Variants in GRIK1 observed in about 807,000 individuals in gnomAD.
GRIK1 encodes the protein glutamate ionotropic receptor kainate type subunit 1.
A neutral mutation model predicts 105.7 loss-of-function variants in GRIK1; 69 were observed. The ratio of observed to expected loss-of-function variants is 0.65; its 90% CI spans 0.54 to 0.80. The LOEUF (loss-of-function observed/expected upper bound fraction) is 0.80. Among genes scored for constraint, GRIK1 ranks in the 30% least tolerant of loss-of-function variants. GRIK1 has a pLI of 0.00. For synonymous variants in GRIK1, 438 were observed against 431.3 expected, an observed-to-expected ratio of 1.02 and a Z score of -0.19; for missense variants, 1,109 against 1,167.3, an observed-to-expected ratio of 0.95 and a Z score of 0.73.
At chr21:29,888,506 T>C (rs1370462051) in intron 1 of GRIK1, among the ~76,000 whole-genome samples, 3 of 151,702 alleles carry the variant, frequency 2.0e-5, no homozygotes, top group Non-Finnish European at 4.4e-5. Context: ...GCTCAAGAAA[T>C]CCACCCATCT....
At chr21:29,903,633 C>A (rs1214239773) in intron 1 of GRIK1, among the ~76,000 whole-genome samples, 1 of 152,108 alleles carries the variant, frequency 6.6e-6, no homozygotes, top group African/African-American at 2.4e-5. Flanking sequence ...CAGGAAACAA[C>A]AGATGCTGGA....
At chr21:29,641,512 A>G (rs1194531145) in intron 7 of GRIK1, among the ~76,000 whole-genome samples, 6 of 152,194 alleles carry the variant, frequency 3.9e-5, no homozygotes, top group Non-Finnish European at 5.9e-5. Context: ...TATCAGCAGC[A>G]TGAAAATGGA....
intron 1 of GRIK1, among the ~76,000 whole-genome samples, chr21:29,820,728 T>A (rs2067277619): frequency 6.6e-6 from 1 of 152,016 alleles, no homozygotes; most frequent in Admixed American, 6.6e-5. Context: ...AGAATAATAA[T>A]AGGTATGATT....
intron 7 of GRIK1, among the ~76,000 whole-genome samples, chr21:29,606,686 AAAACAAAAC>A (rs2061625840): frequency 6.6e-6 from 1 of 151,416 alleles, no homozygotes; most frequent in African/African-American, 2.5e-5. Context: ...AAAACAAAAC[AAAACAAAAC>A]AAAAAAAACA....
rs140426396 is a variant in GRIK1, at chr21:29,687,471, A to G, written c.544+2257T>C. Among the ~76,000 whole-genome samples the G allele has an allele frequency of 2.0e-5, 3 of 152,264 alleles. No homozygotes were observed. In the East Asian group the frequency reaches 5.8e-4, roughly 29 times the overall value. Reference sequence around the variant, plus strand: ...TGGCCTGTTTATTCTCTGGGTTCCAATTTAATGGCTCAATTGATTATTCAT... The same window carrying G: ...TGGCCTGTTTATTCTCTGGGTTCCAGTTTAATGGCTCAATTGATTATTCAT... On this transcript the variant is annotated intron_variant, in intron 3 of 17. Transcript: ENST00000327783.
chr21:29,684,545 A>G (rs1178881755), intron 3 of GRIK1, among the ~76,000 whole-genome samples: 1 of 151,988 alleles, frequency 6.6e-6, no homozygotes, highest in Non-Finnish European at 1.5e-5. Flanking sequence ...CTTTGCTCAG[A>G]CGCCCAGGCT....
chr21:29,791,321 G>T (rs2066407250), intron 1 of GRIK1, among the ~76,000 whole-genome samples: 1 of 150,834 alleles, frequency 6.6e-6, no homozygotes, highest in African/African-American at 2.4e-5. Flanking sequence ...AGAAGAGGAG[G>T]AAAAAAAAAG....
At chr21:29,931,131 A>G (rs893162503) in intron 1 of GRIK1, among the ~76,000 whole-genome samples, 1 of 152,234 alleles carries the variant, frequency 6.6e-6, no homozygotes, top group African/African-American at 2.4e-5. Flanking sequence ...ATAAACCAGT[A>G]TTAATGAATT....
chr21:29,630,551 C>T (rs1479238153), intron 7 of GRIK1: 2 of 471,656 alleles, frequency 4.2e-6, no homozygotes, highest in Admixed American at 4.7e-5. Context: ...AACAAGCTGC[C>T]AATAATGTCT....
intron 1 of GRIK1, among the ~76,000 whole-genome samples, chr21:29,747,823 A>G (rs116367532): frequency 0.015 from 2,256 of 152,318 alleles, 64 homozygotes; most frequent in African/African-American, 0.051. Context: ...GCATGACTCC[A>G]TCTCAAAGAA....
At chr21:29,747,744 G>A (rs1024735544) in intron 1 of GRIK1, among the ~76,000 whole-genome samples, 9 of 152,164 alleles carry the variant, frequency 5.9e-5, no homozygotes, top group South Asian at 2.1e-4. Context: ...CAGGAGAATC[G>A]CTTGAACCTG....
At chr21:29,562,704 A>G (rs1192254892) in intron 14 of GRIK1, among the ~76,000 whole-genome samples, 1 of 151,866 alleles carries the variant, frequency 6.6e-6, no homozygotes, top group Non-Finnish European at 1.5e-5. Flanking sequence ...ATGCCTTTTT[A>G]TGTGTATAAT....
chr21:29,629,027 G>A lies in GRIK1; in HGVS notation c.1098+13799C>T, dbSNP rs79191454. On this transcript the variant is annotated intron_variant, in intron 7 of 17. Transcript: ENST00000327783. ...ATTGAGCCCCTACTATATGCAGGAA[G>A]AGAGCTAGGTACTAAGTGAATAAAA... 4.3e-3 allele frequency among the ~76,000 whole-genome samples: 650 copies of A among 152,274 alleles called. 3 individuals are homozygous for A. Among genetic ancestry groups the A allele is most frequent in the African/African-American group, 0.015 (611 of 41,528 alleles).
chr21:29,889,558 A>G (rs1203549764), intron 1 of GRIK1, among the ~76,000 whole-genome samples: 3 of 151,774 alleles, frequency 2.0e-5, no homozygotes, highest in Admixed American at 6.6e-5. Flanking sequence ...GCTACACTAT[A>G]GGCATTTGAC....
chr21:29,672,467 C>T (rs2063177241), intron 4 of GRIK1, among the ~76,000 whole-genome samples: 2 of 152,124 alleles, frequency 1.3e-5, no homozygotes, highest in Non-Finnish European at 2.9e-5. Context: ...TCTGTGGAGA[C>T]TAACACATAG....
chr21:29,627,396 G>A (rs1273571871), intron 7 of GRIK1, among the ~76,000 whole-genome samples: 1 of 152,178 alleles, frequency 6.6e-6, no homozygotes, highest in Non-Finnish European at 1.5e-5. Flanking sequence ...TAGAGGGAAG[G>A]TACCAAGACC....
chr21:29,813,249 G>A (rs2067061296), intron 1 of GRIK1, among the ~76,000 whole-genome samples: 1 of 152,116 alleles, frequency 6.6e-6, no homozygotes, highest in Non-Finnish European at 1.5e-5. Context: ...CAATAATTTG[G>A]ACTGAGGTGT....
chr21:29,919,163 A>T (rs952426016), intron 1 of GRIK1, among the ~76,000 whole-genome samples: 12 of 152,086 alleles, frequency 7.9e-5, no homozygotes, highest in African/African-American at 2.9e-4. Flanking sequence ...AAGGGAGTCA[A>T]GGAGCTCAAA....
At chr21:29,782,928 A>T (rs1337263332) in intron 1 of GRIK1, among the ~76,000 whole-genome samples, 2 of 152,120 alleles carry the variant, frequency 1.3e-5, no homozygotes, top group Non-Finnish European at 2.9e-5. Flanking sequence ...ATCATTTTTC[A>T]TCTTGGTGTA....
Sources: allele counts gnomAD v4.1 joint callset (sites outside exome capture counted in the v4.1 genomes callset), GRCh38; gene constraint gnomAD v4.1.1; transcripts MANE v1.5; gene names NCBI Gene and HGNC (gene_info 2026-07-23, HGNC 2026-07-21).